The following MBNL2 variants were observed in gnomAD, a reference collection of about 807,000 sequenced individuals.
The protein encoded by MBNL2 is muscleblind like splicing regulator 2, also known as muscleblind-like protein 2.
Under a neutral mutation model 41.9 loss-of-function variants are expected in MBNL2, and 17 were observed. That is an observed-to-expected ratio of 0.41 (90% confidence interval 0.28 to 0.61). The LOEUF (loss-of-function observed/expected upper bound fraction) is 0.61. MBNL2 is among the 20% of genes least tolerant of loss of function. The pLI is 0.35. For synonymous variants in MBNL2, 195 were observed against 182.9 expected, an observed-to-expected ratio of 1.07 and a Z score of -0.53; for missense variants, 336 against 505.6, an observed-to-expected ratio of 0.66 and a Z score of 3.22.
At chr13:97,310,820 A>G (rs1441035234) in intron 2 of MBNL2, among the ~76,000 whole-genome samples, 1 of 150,910 alleles carries the variant, frequency 6.6e-6, no homozygotes, top group East Asian at 1.9e-4. Flanking sequence ...AACTAAGTAG[A>G]AAATCAACCC....
chr13:97,189,826 C>G, the MBNL2 span, among the ~76,000 whole-genome samples: 1 of 152,170 alleles, frequency 6.6e-6, no homozygotes, highest in Non-Finnish European at 1.5e-5. Context: ...GGAATTTTAA[C>G]CAATTTTCAG....
intron 1 of MBNL2, among the ~76,000 whole-genome samples, chr13:97,239,043 G>A (rs571457900): frequency 3.9e-5 from 6 of 152,290 alleles, no homozygotes; most frequent in South Asian, 2.1e-4. Flanking sequence ...TAACCGTTTC[G>A]GAGAGGGCTC....
At chr13:97,299,534 G>C (rs1238657732) in intron 2 of MBNL2, among the ~76,000 whole-genome samples, 2 of 152,098 alleles carry the variant, frequency 1.3e-5, no homozygotes, top group African/African-American at 4.8e-5. Context: ...TTGTGCATTT[G>C]AACAGAGGCA....
chr13:97,151,695 G>A, the MBNL2 span, among the ~76,000 whole-genome samples: 6 of 152,228 alleles, frequency 3.9e-5, no homozygotes, highest in South Asian at 1.2e-3. Flanking sequence ...AAATTAAATG[G>A]AAGTTTACAC....
chr13:97,291,860 A>C (rs1289741867), intron 2 of MBNL2, among the ~76,000 whole-genome samples: 1 of 132,380 alleles, frequency 7.6e-6, no homozygotes, highest in African/African-American at 2.9e-5. Context: ...ATGCCATTGC[A>C]CTCCAGCCTG....
intron 2 of MBNL2, among the ~76,000 whole-genome samples, chr13:97,300,618 C>T (rs868191501): frequency 6.6e-6 from 1 of 152,158 alleles, no homozygotes. Flanking sequence ...CTCCATGAAG[C>T]CCACTTAACC....
chr13:97,166,162 T>C, the MBNL2 span, among the ~76,000 whole-genome samples: 49 of 152,218 alleles, frequency 3.2e-4, 1 homozygote, highest in Non-Finnish European at 6.5e-4. Flanking sequence ...AAAGAAAATA[T>C]TAGGGGCAGA....
chr13:97,360,103 A>C (rs74426482), intron 7 of MBNL2, among the ~76,000 whole-genome samples: 2,445 of 152,326 alleles, frequency 0.016, 64 homozygotes, highest in African/African-American at 0.048. Context: ...AATTATTATA[A>C]CTTGGTACAT....
chr13:97,369,918 G>T (rs941429430), intron 8 of MBNL2, among the ~76,000 whole-genome samples: 3 of 152,136 alleles, frequency 2.0e-5, no homozygotes, highest in African/African-American at 7.2e-5. Flanking sequence ...TTCTGTTTCA[G>T]TTAAGGTATT....
chr13:97,203,296 GTGT>G, the MBNL2 span, among the ~76,000 whole-genome samples: 1 of 152,160 alleles, frequency 6.6e-6, no homozygotes, highest in Non-Finnish European at 1.5e-5. Flanking sequence ...ACAAGTCCTG[GTGT>G]TGTTAATTCA....
chr13:97,356,751 C>T (rs1011429124), intron 5 of MBNL2, 45 bp from the exon 6 acceptor site: 2 of 1,246,872 alleles, frequency 1.6e-6, no homozygotes, highest in Admixed American at 1.9e-5. Flanking sequence ...CGCTTGAATC[C>T]CATTGGCCCA....
At chr13:97,254,359 A>G (rs149047373) in intron 1 of MBNL2, among the ~76,000 whole-genome samples, 1 of 152,374 alleles carries the variant, frequency 6.6e-6, no homozygotes, top group East Asian at 1.9e-4. Context: ...AATCTAAAAT[A>G]TAATTATTTT....
chr13:97,169,701 T>C, the MBNL2 span, among the ~76,000 whole-genome samples: 1 of 152,222 alleles, frequency 6.6e-6, no homozygotes, highest in African/African-American at 2.4e-5. Flanking sequence ...TTGAAAAGTA[T>C]ACACTACTCT....
chr13:97,374,802 AT>A (rs1304357436), intron 8 of MBNL2, among the ~76,000 whole-genome samples: 1 of 152,054 alleles, frequency 6.6e-6, no homozygotes, highest in African/African-American at 2.4e-5. Flanking sequence ...CATTTCTCCA[AT>A]TTTAGGTTTT....
upstream of MBNL2, chr13:97,221,702 A>G (rs993444381): frequency 1.3e-5 from 2 of 152,204 alleles, no homozygotes; most frequent in Non-Finnish European, 2.9e-5. Flanking sequence ...TCGAAGTCCC[A>G]AGTGGTCTGA....
chr13:97,260,700 C>T (rs1054800402), intron 1 of MBNL2, among the ~76,000 whole-genome samples: 1 of 152,064 alleles, frequency 6.6e-6, no homozygotes, highest in African/African-American at 2.4e-5. Flanking sequence ...GGTTTTAAAG[C>T]CATAAAACTG....
chr13:97,179,817 A>T, the MBNL2 span, among the ~76,000 whole-genome samples: 16 of 152,214 alleles, frequency 1.1e-4, no homozygotes, highest in South Asian at 2.1e-4. Flanking sequence ...ACAGAAGAAG[A>T]AGTCCAGGGT....
chr13:97,304,050 G>A (rs1269788073), intron 2 of MBNL2, among the ~76,000 whole-genome samples: 1 of 152,188 alleles, frequency 6.6e-6, no homozygotes, highest in African/African-American at 2.4e-5. Context: ...CCACTTTCAG[G>A]AAGTAACTGG....
At chr13:97,263,101 G>T (rs2048965201) in intron 1 of MBNL2, among the ~76,000 whole-genome samples, 1 of 151,930 alleles carries the variant, frequency 6.6e-6, no homozygotes, top group African/African-American at 2.4e-5. Flanking sequence ...AGTCCGTTTT[G>T]ATCCATCTAT....
Sources: gnomAD v4.1 joint callset for allele counts (sites outside exome capture counted in the v4.1 genomes callset) on GRCh38, gnomAD v4.1.1 for gene constraint, MANE v1.5 for transcripts, NCBI Gene and HGNC (gene_info 2026-07-23, HGNC 2026-07-21) for gene names.